SUCLA2: variants seen among roughly 807,000 people sequenced by gnomAD.
SUCLA2 encodes the protein succinate-CoA ligase ADP-forming subunit beta, also known as succinate--CoA ligase [ADP-forming] subunit beta, mitochondrial.
Under a neutral mutation model 54.8 loss-of-function variants are expected in SUCLA2, and 30 were observed. The ratio of observed to expected loss-of-function variants is 0.55; its 90% CI spans 0.41 to 0.74. SUCLA2 has a LOEUF of 0.74. Ranked by LOEUF, SUCLA2 falls within the 30% of genes least tolerant of loss-of-function variation. The probability of loss-of-function intolerance (pLI) is 0.00; values close to 1 mark genes in which losing one functional copy is unlikely to be tolerated. For missense variants in SUCLA2, 476 were observed against 562.9 expected (o/e 0.85, Z 1.56); for synonymous variants, 172 against 188.9 (o/e 0.91, Z 0.74).
chr13:47,989,576 A>C (rs990782867), intron 2 of SUCLA2, among the ~76,000 whole-genome samples: 6 of 152,146 alleles, frequency 3.9e-5, no homozygotes, highest in African/African-American at 7.2e-5. Context: ...AAATAATTTA[A>C]CCATTTCTTG....
intron 10 of SUCLA2, 55 bp from the exon 11 acceptor site, chr13:47,943,500 C>A: frequency 5.2e-6 from 8 of 1,551,670 alleles, no homozygotes; most frequent in South Asian, 2.2e-5. Flanking sequence ...AACTACAGGT[C>A]AGTGCAAAAT....
At position 47,970,058 on chromosome 13, in the gene SUCLA2, C is replaced by T. The variant is rs191400593; in HGVS notation, c.664-1325G>A. On this transcript the variant is annotated intron_variant, in intron 5 of 10. Coordinates refer to ENST00000646932, the MANE Select transcript of SUCLA2 (RefSeq NM_003850.3). ...TGGAGGTTGCAGTGAGCCGAGATCACACCACTGCACTCCTGCCTGGGCGAC... is the reference window on the plus strand; with the variant it reads ...TGGAGGTTGCAGTGAGCCGAGATCATACCACTGCACTCCTGCCTGGGCGAC... Among the ~76,000 whole-genome samples, 395 of 151,222 alleles carry T rather than the reference C, an allele frequency of 2.6e-3. 1 individual carries two copies. Among genetic ancestry groups the T allele is most frequent in the Non-Finnish European group, 4.4e-3 (299 of 67,864 alleles).
At chr13:47,959,335 T>C (rs924621514) in intron 6 of SUCLA2, among the ~76,000 whole-genome samples, 1 of 147,794 alleles carries the variant, frequency 6.8e-6, no homozygotes, top group African/African-American at 2.5e-5. Context: ...GTTATAAAGA[T>C]AATAATTTTG....
At chr13:47,956,531 G>A (rs1021056018) in intron 6 of SUCLA2, among the ~76,000 whole-genome samples, 2 of 152,160 alleles carry the variant, frequency 1.3e-5, no homozygotes, top group Admixed American at 1.3e-4. Context: ...TCAAAAGAAG[G>A]ACAGAATAAA....
chr13:47,985,453 A>C (rs1304087682), intron 4 of SUCLA2, among the ~76,000 whole-genome samples: 1 of 145,086 alleles, frequency 6.9e-6, no homozygotes, highest in African/African-American at 2.6e-5. Flanking sequence ...TGTTCTCATC[A>C]TTCAGTTCCC....
At chr13:47,989,939 T>C (rs1469821618) in intron 2 of SUCLA2, among the ~76,000 whole-genome samples, 1 of 152,254 alleles carries the variant, frequency 6.6e-6, no homozygotes, top group Non-Finnish European at 1.5e-5. Context: ...GACTGAATTT[T>C]TCTTCTTTAA....
intron 4 of SUCLA2, among the ~76,000 whole-genome samples, chr13:47,984,522 C>T (rs1442775650): frequency 6.6e-6 from 1 of 152,144 alleles, no homozygotes; most frequent in Admixed American, 6.5e-5. Context: ...CTTTCTTAAC[C>T]TAAGTTCTTC....
intron 6 of SUCLA2, among the ~76,000 whole-genome samples, chr13:47,955,476 A>G (rs117502572): frequency 0.027 from 4,126 of 152,286 alleles, 88 homozygotes; most frequent in South Asian, 0.082. Flanking sequence ...TGCTGAGATT[A>G]AAAGTGTGAG....
chr13:47,999,996 C>G (rs960042849), intron 1 of SUCLA2, among the ~76,000 whole-genome samples: 1 of 151,958 alleles, frequency 6.6e-6, no homozygotes, highest in African/African-American at 2.4e-5. Context: ...TCACTAAATT[C>G]CCCATTTTCT....
intron 6 of SUCLA2, 51 bp downstream of exon 6, chr13:47,968,544 A>G (rs201670448): frequency 2.7e-5 from 44 of 1,602,224 alleles, no homozygotes; most frequent in Non-Finnish European, 3.2e-5. Flanking sequence ...TTAGGGAAGC[A>G]TATTAGAGAA....
intron 5 of SUCLA2, among the ~76,000 whole-genome samples, chr13:47,972,548 A>G (rs556291423): frequency 6.6e-6 from 1 of 151,488 alleles, no homozygotes; most frequent in South Asian, 2.1e-4. Flanking sequence ...AGGTGCCTGT[A>G]GTCCCAGCTA....
chr13:47,963,577 G>A (rs140385306), intron 6 of SUCLA2, among the ~76,000 whole-genome samples: 4,309 of 152,136 alleles, frequency 0.028, 96 homozygotes, highest in South Asian at 0.081. Flanking sequence ...CCCGGGAGGC[G>A]GAGGTTGCAG....
At chr13:47,977,692 C>T (rs753715847) in intron 4 of SUCLA2, among the ~76,000 whole-genome samples, 5 of 152,034 alleles carry the variant, frequency 3.3e-5, no homozygotes, top group African/African-American at 4.8e-5. Context: ...TCAATTGATA[C>T]ATAAAAGGCA....
chr13:47,992,692 A>G (rs1950159156), intron 2 of SUCLA2, among the ~76,000 whole-genome samples: 2 of 152,224 alleles, frequency 1.3e-5, no homozygotes, highest in Non-Finnish European at 2.9e-5. Flanking sequence ...TCACTATCCC[A>G]GCTACCTTTA....
At chr13:47,944,925 C>G (rs1949717654) in intron 10 of SUCLA2, among the ~76,000 whole-genome samples, 1 of 151,876 alleles carries the variant, frequency 6.6e-6, no homozygotes, top group East Asian at 1.9e-4. Context: ...GAGTTCGAGA[C>G]CAGCCTGGTC....
intron 6 of SUCLA2, 64 bp downstream of exon 6, chr13:47,968,531 T>A: frequency 6.3e-7 from 1 of 1,589,030 alleles, no homozygotes; most frequent in Non-Finnish European, 8.6e-7. Context: ...TGATTTAACT[T>A]CCTTAGGGAA....
In SUCLA2 at chr13:47,988,958, C is replaced by T. The variant is rs1036996707; in HGVS notation, c.295G>A (p.Ala99Thr). 10 of 1,613,654 alleles carry T rather than the reference C, an allele frequency of 6.2e-6. No homozygotes were observed. The highest frequency in any genetic ancestry group is 7.6e-6 in the Non-Finnish European group (9 of 1,179,964). The change falls in exon 3 of 11, where the codon GCA becomes ACA. Residue 99 changes from alanine (A) to threonine (T), a missense_variant. Ala to Thr is a moderately conservative substitution (Grantham distance 58). This residue lies in a region of SUCLA2 where 342 missense variants were observed against 444.2 expected (regional missense o/e 0.77). Transcript: ENST00000646932. ...KLGSKDVVIK[A>T]QVLAGGRGKG... The stretch of plus-strand genomic sequence containing the variant: ...CCTCTACCACCAGCTAAAACCTGTG[C>T]CTTTATCACGACATCTTTTGAACCT...
In SUCLA2 at chr13:47,973,750, A is replaced by G. The variant is rs185820534; in HGVS notation, c.535-358T>C. 2.1e-3 allele frequency among the ~76,000 whole-genome samples: 326 copies of G among 152,300 alleles called. 2 individuals carry two copies. The highest frequency in any genetic ancestry group is 7.6e-3 in the African/African-American group (315 of 41,566). On this transcript the variant is annotated intron_variant, in intron 4 of 10. Transcript: ENST00000646932. ...TGCGGCACATATACCATGGAATACT[A>G]TGCAGCCATAAAAAAAGAATGTGTT...
intron 6 of SUCLA2, among the ~76,000 whole-genome samples, chr13:47,957,611 T>C (rs557439479): frequency 6.6e-6 from 1 of 152,336 alleles, no homozygotes; most frequent in African/African-American, 2.4e-5. Flanking sequence ...ACATAAGGAT[T>C]TGCTCCTCTC....
Sources: gnomAD v4.1 joint callset for allele counts (sites outside exome capture counted in the v4.1 genomes callset) on GRCh38, gnomAD v4.1.1 for gene constraint, gnomAD v4.1.1 regional missense constraint, MANE v1.5 for transcripts, NCBI Gene and HGNC (gene_info 2026-07-23, HGNC 2026-07-21) for gene names.